ADORA2B: variants seen among roughly 807,000 people sequenced by gnomAD.
The protein encoded by ADORA2B is adenosine receptor A2b.
In ADORA2B, 18 loss-of-function variants were observed where a neutral mutation model predicts 20.8. The ratio of observed to expected loss-of-function variants is 0.87; its 90% confidence interval spans 0.60 to 1.29. The LOEUF (loss-of-function observed/expected upper bound fraction) is 1.29, where lower values mean the gene tolerates loss of function less well. Ranked by LOEUF, ADORA2B falls within the 50% of genes most tolerant of loss-of-function variation. The pLI, the probability that ADORA2B is intolerant of heterozygous loss-of-function variation, is 0.00. For missense variants in ADORA2B, 441 were observed against 422.7 expected, an observed-to-expected ratio of 1.04 and a Z score of -0.38; for synonymous variants, 179 against 178.3, an observed-to-expected ratio of 1.00 and a Z score of -0.03.
chr17:15,907,050 A>G, the ADORA2B span, among the ~76,000 whole-genome samples: 7 of 152,104 alleles, frequency 4.6e-5, no homozygotes, highest in Non-Finnish European at 7.4e-5. Flanking sequence ...GAGCTCATCT[A>G]TCCCCCAAAT....
the ADORA2B span, among the ~76,000 whole-genome samples, chr17:15,914,574 C>G: frequency 6.6e-6 from 1 of 152,216 alleles, no homozygotes; most frequent in African/African-American, 2.4e-5. Context: ...CCAGAGCAAG[C>G]ATGAACCATA....
Position 15,975,351 on chromosome 17 carries a change from C to G in ADORA2B, c.*9C>G. ...TCGGTGTGGGCCTATGATCTAGGCT[C>G]TCGCCTCTTCCAGGAGAAGATACAA... On this transcript the variant is annotated 3_prime_UTR_variant, in exon 2 of 2. Coordinates refer to ENST00000304222, the MANE Select transcript of ADORA2B (RefSeq NM_000676.4). 3.1e-6 allele frequency: 5 copies of G among 1,601,002 alleles called. No individual in the cohort carries two copies. In the South Asian group the frequency reaches 4.4e-5, roughly 14 times the overall value.
chr17:15,968,567 G>A (rs1169824134), intron 1 of ADORA2B, among the ~76,000 whole-genome samples: 1 of 152,190 alleles, frequency 6.6e-6, no homozygotes, highest in Admixed American at 6.5e-5. Flanking sequence ...CTGACCTATG[G>A]CTGTGTGGTC....
intron 1 of ADORA2B, among the ~76,000 whole-genome samples, chr17:15,973,555 T>A (rs1318427069): frequency 6.6e-6 from 1 of 152,236 alleles, no homozygotes; most frequent in Non-Finnish European, 1.5e-5. Flanking sequence ...CATTACTGCC[T>A]GAGCTCTGCA....
the ADORA2B span, among the ~76,000 whole-genome samples, chr17:15,876,771 C>T: frequency 7.2e-5 from 11 of 152,006 alleles, no homozygotes; most frequent in African/African-American, 1.2e-4. Flanking sequence ...TGGCAAAATA[C>T]GTATAACATA....
At chr17:15,916,090 G>C in the ADORA2B span, among the ~76,000 whole-genome samples, 3 of 152,110 alleles carry the variant, frequency 2.0e-5, no homozygotes, top group African/African-American at 4.8e-5. Flanking sequence ...CAGCTGGGGT[G>C]GGGGGGTCAC....
rs756524360 is a variant in ADORA2B, at chr17:15,975,322, G to A, written c.979G>A (p.Ala327Thr). Residue 327 changes from alanine (A) to threonine (T), a missense_variant, in exon 2 of 2, where the codon GCT becomes ACT. Physicochemically the swap from Ala to Thr is moderately conservative, Grantham distance 58 (BLOSUM62 0). Coordinates refer to ENST00000304222, the MANE Select transcript of ADORA2B (RefSeq NM_000676.4). ...SGNGQAGVQP[A>T]LGVGL ...GAATGGTCAGGCTGGGGTACAGCCTGCTCTCGGTGTGGGCCTATGATCTAG... is the reference window on the plus strand; with the variant it reads ...GAATGGTCAGGCTGGGGTACAGCCTACTCTCGGTGTGGGCCTATGATCTAG... The A allele has an allele frequency of 1.2e-6, 2 of 1,612,126 alleles. No homozygotes were observed. The highest frequency in any genetic ancestry group is 2.2e-5 in the South Asian group (2 of 91,060).
the ADORA2B span, among the ~76,000 whole-genome samples, chr17:15,925,924 C>T: frequency 5.3e-5 from 8 of 152,014 alleles, no homozygotes; most frequent in Non-Finnish European, 1.2e-4. Context: ...GAGCCGAGAT[C>T]TCTCTACTGC....
the ADORA2B span, among the ~76,000 whole-genome samples, chr17:15,895,518 C>T: frequency 1.3e-5 from 2 of 152,100 alleles, no homozygotes; most frequent in African/African-American, 4.8e-5. Context: ...GCTTGAAACA[C>T]AAATCTGGGG....
At chr17:15,866,205 G>A in the ADORA2B span, among the ~76,000 whole-genome samples, 1,557 of 150,102 alleles carry the variant, frequency 0.01, 34 homozygotes, top group African/African-American at 0.036. Context: ...CTTAGGGTAT[G>A]CATACATTCT....
the ADORA2B span, among the ~76,000 whole-genome samples, chr17:15,887,302 C>G: frequency 7.7e-6 from 1 of 130,646 alleles, no homozygotes; most frequent in African/African-American, 3.2e-5. Flanking sequence ...CCCCAAGTGC[C>G]GTCAGTGCAG....
chr17:15,957,352 T>A (rs922884049), intron 1 of ADORA2B, among the ~76,000 whole-genome samples: 1 of 152,102 alleles, frequency 6.6e-6, no homozygotes, highest in Non-Finnish European at 1.5e-5. Flanking sequence ...CTGAGTGGAA[T>A]TGATGTGCGT....
intron 1 of ADORA2B, among the ~76,000 whole-genome samples, chr17:15,953,439 A>T (rs1480008241): frequency 6.6e-6 from 1 of 152,214 alleles, no homozygotes; most frequent in Admixed American, 6.5e-5. Context: ...GGCAGCCCCC[A>T]GCCTGTTTCT....
rs750174312 is a variant in ADORA2B at position 15,975,627 on chromosome 17, T to C, written c.*285T>C. On this transcript the variant is annotated 3_prime_UTR_variant, in exon 2 of 2. Coordinates refer to ENST00000304222, the MANE Select transcript of ADORA2B (RefSeq NM_000676.4). Reference sequence around the variant, plus strand: ...CTCTTTTGTTTTTAAAAGTCTGCCTTGTTTATGGTGGAAAATTACTGAAAC... The same window carrying C: ...CTCTTTTGTTTTTAAAAGTCTGCCTCGTTTATGGTGGAAAATTACTGAAAC... 2.5e-6 allele frequency: 1 copy of C among 401,218 alleles called. No homozygotes were observed. Among genetic ancestry groups the C allele is most frequent in the Non-Finnish European group, 4.5e-6 (1 of 223,464 alleles). The allele number at this position is 401,218 out of a possible 1,614,324, so 24.9% of individuals were successfully genotyped here.
chr17:15,962,813 C>T (rs900945300), intron 1 of ADORA2B, among the ~76,000 whole-genome samples: 3 of 152,226 alleles, frequency 2.0e-5, no homozygotes, highest in African/African-American at 7.2e-5. Flanking sequence ...CCACCGCGCC[C>T]GGCCCCTGTT....
intron 1 of ADORA2B, among the ~76,000 whole-genome samples, chr17:15,961,358 A>T (rs925245816): frequency 1.4e-4 from 22 of 151,822 alleles, no homozygotes; most frequent in African/African-American, 5.3e-4. Context: ...TTGTTTCCTT[A>T]TGGTTACATT....
At chr17:15,933,049 G>A in the ADORA2B span, among the ~76,000 whole-genome samples, 2 of 148,796 alleles carry the variant, frequency 1.3e-5, no homozygotes, top group African/African-American at 2.5e-5. Flanking sequence ...TCTGCCTCCC[G>A]GGTTCACACC....
the ADORA2B span, among the ~76,000 whole-genome samples, chr17:15,935,974 C>G: frequency 6.6e-6 from 1 of 151,682 alleles, no homozygotes; most frequent in South Asian, 2.1e-4. Context: ...TCAGGCGATC[C>G]TCCCACCTCA....
the ADORA2B span, among the ~76,000 whole-genome samples, chr17:15,855,820 G>C: frequency 1.3e-5 from 2 of 152,040 alleles, no homozygotes; most frequent in South Asian, 4.1e-4. Flanking sequence ...GTATCCAATA[G>C]GTAGTTTTTC....
Sources: allele counts gnomAD v4.1 joint callset (sites outside exome capture counted in the v4.1 genomes callset), GRCh38; gene constraint gnomAD v4.1.1; transcripts MANE v1.5; gene names NCBI Gene and HGNC (gene_info 2026-07-23, HGNC 2026-07-21).